Variants in HECW2 observed in about 807,000 individuals in gnomAD.
HECW2 encodes E3 ubiquitin-protein ligase HECW2.
HECW2 carries 61 observed loss-of-function variants against 175.2 expected under a neutral mutation model. That is an observed-to-expected ratio of 0.35 (90% CI 0.28 to 0.43). The LOEUF (loss-of-function observed/expected upper bound fraction) is 0.43. Ranked by LOEUF, HECW2 falls within the 20% of genes least tolerant of loss-of-function variation. The pLI is 1.00. For missense variants in HECW2, 1,524 were observed against 2,000.5 expected (o/e 0.76, Z 4.54); for synonymous variants, 671 against 731.0 (o/e 0.92, Z 1.32).
intron 2 of HECW2, among the ~76,000 whole-genome samples, chr2:196,371,047 C>G (rs529276307): frequency 6.6e-6 from 1 of 152,166 alleles, no homozygotes; most frequent in South Asian, 2.1e-4. Flanking sequence ...TGTGGAGAGT[C>G]GTTCAATTTG....
At chr2:196,369,150 G>T (rs1409521347) in intron 2 of HECW2, among the ~76,000 whole-genome samples, 1 of 152,086 alleles carries the variant, frequency 6.6e-6, no homozygotes, top group Non-Finnish European at 1.5e-5. Flanking sequence ...AGGGACTTTG[G>T]TGTTGTGATC....
At chr2:196,309,012 C>T (rs1224711721) in intron 10 of HECW2, among the ~76,000 whole-genome samples, 1 of 152,194 alleles carries the variant, frequency 6.6e-6, no homozygotes, top group African/African-American at 2.4e-5. Context: ...AATTAATAAG[C>T]ATTTTTCTCC....
intron 14 of HECW2, among the ~76,000 whole-genome samples, chr2:196,280,139 A>G (rs561333638): frequency 2.3e-4 from 35 of 152,332 alleles, no homozygotes; most frequent in African/African-American, 8.2e-4. Context: ...ATGATCAGAT[A>G]GTTAATTAGG....
intron 1 of HECW2, among the ~76,000 whole-genome samples, chr2:196,471,012 C>CA (rs398060924): frequency 0.059 from 7,137 of 120,058 alleles, 386 homozygotes; most frequent in African/African-American, 0.15. Context: ...ACCAAATTGG[C>CA]AAAAAAAAAA....
chr2:196,401,741 G>A lies in HECW2; in HGVS notation c.292+31391C>T, dbSNP rs537521912. ...ATGTTTTAAAATGAACATTTAAAGA[G>A]CTTTCATTTATAATCTTAGAGAAAA... is the stretch of plus-strand genomic sequence containing the variant. On this transcript the variant is annotated intron_variant, in intron 2 of 28. Coordinates refer to ENST00000644978, the MANE Select transcript of HECW2 (RefSeq NM_001348768.2). Among the ~76,000 whole-genome samples the A allele has an allele frequency of 1.8e-4, 27 of 152,258 alleles. No individual in the cohort carries two copies. In the East Asian group the frequency reaches 5.0e-3, roughly 28 times the overall value.
intron 15 of HECW2, among the ~76,000 whole-genome samples, chr2:196,275,608 C>T (rs759465756): frequency 7.9e-5 from 12 of 152,024 alleles, no homozygotes; most frequent in African/African-American, 1.7e-4. Context: ...AAAAATTAGC[C>T]GGGCGCGGTG....
intron 1 of HECW2, among the ~76,000 whole-genome samples, chr2:196,578,300 A>C (rs1690633841): frequency 6.6e-6 from 1 of 152,168 alleles, no homozygotes; most frequent in Non-Finnish European, 1.5e-5. Flanking sequence ...AGATATATCA[A>C]CTGAGGTTAT....
chr2:196,289,667 A>T (rs1690532237), intron 14 of HECW2: 1 of 152,184 alleles, frequency 6.6e-6, no homozygotes, highest in Admixed American at 6.5e-5. Flanking sequence ...GTGAACAGCC[A>T]CTGTACTCCA....
chr2:196,210,400 A>G (rs531138175), intron 28 of HECW2, among the ~76,000 whole-genome samples: 2 of 151,782 alleles, frequency 1.3e-5, no homozygotes, highest in African/African-American at 4.8e-5. Flanking sequence ...GTATCTCTCT[A>G]TGTTGCTCAG....
At chr2:196,557,539 A>G (rs991996716) in intron 1 of HECW2, among the ~76,000 whole-genome samples, 77 of 152,174 alleles carry the variant, frequency 5.1e-4, no homozygotes, top group African/African-American at 1.8e-3. Flanking sequence ...CTTTTAATCC[A>G]GTAATTCCTC....
intron 1 of HECW2, among the ~76,000 whole-genome samples, chr2:196,459,944 A>G (rs1387426474): frequency 1.3e-5 from 2 of 152,070 alleles, no homozygotes; most frequent in Non-Finnish European, 2.9e-5. Flanking sequence ...CTAAATACAC[A>G]TGACTCCTCC....
chr2:196,272,128 G>A (rs1689763358), intron 16 of HECW2, among the ~76,000 whole-genome samples: 2 of 152,140 alleles, frequency 1.3e-5, no homozygotes, highest in Non-Finnish European at 1.5e-5. Context: ...TTGCCAAAAT[G>A]TACTAGTTGG....
chr2:196,553,280 G>A (rs1430814005), intron 1 of HECW2, among the ~76,000 whole-genome samples: 1 of 152,188 alleles, frequency 6.6e-6, no homozygotes, highest in Non-Finnish European at 1.5e-5. Flanking sequence ...TTGGAACCAA[G>A]TTAATTGAAG....
At chr2:196,395,281 T>G (rs79848695) in intron 2 of HECW2, among the ~76,000 whole-genome samples, 22,798 of 152,108 alleles carry the variant, frequency 0.15, 1,865 homozygotes, top group Middle Eastern at 0.24. Flanking sequence ...CGGTAAAAGC[T>G]TTATGACATT....
chr2:196,554,280 C>G (rs979663576), intron 1 of HECW2, among the ~76,000 whole-genome samples: 2 of 151,692 alleles, frequency 1.3e-5, no homozygotes, highest in Non-Finnish European at 2.9e-5. Context: ...GAGCGGAGAT[C>G]GCGCCACAGC....
chr2:196,343,982 T>C (rs529888756), intron 2 of HECW2, among the ~76,000 whole-genome samples: 1 of 152,330 alleles, frequency 6.6e-6, no homozygotes, highest in South Asian at 2.1e-4. Flanking sequence ...ATGGCATCTC[T>C]GGGCTTGGCC....
At chr2:196,450,649 T>C (rs950084952) in intron 1 of HECW2, among the ~76,000 whole-genome samples, 1 of 152,002 alleles carries the variant, frequency 6.6e-6, no homozygotes, top group Admixed American at 6.6e-5. Context: ...GCCTGGGTAA[T>C]TTTTTGCATT....
rs1691822472 is a variant in HECW2, at chr2:196,318,978, G to A, written c.1912C>T (p.Leu638=). 1 of 1,613,388 alleles carries A rather than the reference G, an allele frequency of 6.2e-7. No homozygotes were observed. The highest frequency in any genetic ancestry group is 1.1e-5 in the South Asian group (1 of 90,972). The change falls in exon 9 of 29, where the codon CTG becomes TTG. Residue 638 remains leucine, a synonymous_variant. Transcript: ENST00000644978. ...TTGCAGGAGCTGTCAGCGCATTCCA[G>A]GTCACTCTCTCCCTCAGGCCTGGTG... ...ASTRPEGESD[L]ECADSSCNES...
chr2:196,579,559 T>G (rs1243871919), intron 1 of HECW2, among the ~76,000 whole-genome samples: 1 of 152,072 alleles, frequency 6.6e-6, no homozygotes, highest in Non-Finnish European at 1.5e-5. Flanking sequence ...AATAAAAATT[T>G]TAAGTCGAAA....
Sources: allele counts gnomAD v4.1 joint callset (sites outside exome capture counted in the v4.1 genomes callset), GRCh38; gene constraint gnomAD v4.1.1; transcripts MANE v1.5; gene names NCBI Gene and HGNC (gene_info 2026-07-23, HGNC 2026-07-21).